The following AK7 variants were observed in gnomAD, a reference collection of about 807,000 sequenced individuals.
AK7 encodes adenylate kinase 7.
AK7 carries 78 observed loss-of-function variants against 96.6 expected under a neutral mutation model. The ratio of observed to expected loss-of-function variants is 0.81; its 90% CI spans 0.67 to 0.97. AK7 has a LOEUF of 0.97. Ranked by LOEUF, AK7 falls within the 50% of genes least tolerant of loss-of-function variation. The pLI is 0.00. For missense variants in AK7, 855 were observed against 887.9 expected (o/e 0.96, Z 0.47); for synonymous variants, 302 against 317.2 (o/e 0.95, Z 0.51).
intron 6 of AK7, among the ~76,000 whole-genome samples, chr14:96,441,642 C>CAAAAAA (rs34473287): frequency 2.2e-5 from 2 of 91,448 alleles, no homozygotes; most frequent in Non-Finnish European, 4.0e-5. Context: ...GACTCCGTCT[C>CAAAAAA]AAAAAAAAAA....
rs971658216 is a variant in AK7 at position 96,416,020 on chromosome 14, C to T, written c.499-4802C>T. 7.9e-5 allele frequency among the ~76,000 whole-genome samples: 12 copies of T among 152,162 alleles called. No homozygotes were observed. In the East Asian group the frequency reaches 2.1e-3, roughly 27 times the overall value. ...GGGCCGACGGGCTCTGATTGTCACA[C>T]GTAATAACCAGGGAGAAACGGAGTC... On this transcript the variant is annotated intron_variant, in intron 4 of 17. Coordinates refer to ENST00000267584, the MANE Select transcript of AK7 (RefSeq NM_152327.5).
chr14:96,488,796 T>C lies in AK7; in HGVS notation c.*453T>C, dbSNP rs555102580. On this transcript the variant is annotated 3_prime_UTR_variant, in exon 18 of 18. Transcript: ENST00000267584. ...TTTATGCCTGTTGACTCACAGTAAA[T>C]CAGACAAGATTGGTGCCTGTAAGGT... The C allele has an allele frequency of 6.7e-6, 1 of 150,274 alleles. No homozygotes were observed. Among genetic ancestry groups the C allele is most frequent in the Admixed American group, 6.7e-5 (1 of 14,972 alleles). 9.3% of individuals were successfully genotyped at this position (150,274 alleles called of 1,614,324 possible).
chr14:96,471,389 C>A, intron 12 of AK7, 89 bp from the exon 13 acceptor site: 19 of 549,668 alleles, frequency 3.5e-5, no homozygotes, highest in South Asian at 1.1e-4. Context: ...CCTTTGACTA[C>A]ACAACAATTT....
intron 6 of AK7, among the ~76,000 whole-genome samples, chr14:96,441,502 G>A (rs1892953985): frequency 6.6e-6 from 1 of 151,858 alleles, no homozygotes; most frequent in Admixed American, 6.6e-5. Context: ...AGCCAGGTGT[G>A]GTGGCACATG....
intron 4 of AK7, among the ~76,000 whole-genome samples, chr14:96,418,964 C>T (rs1000130851): frequency 3.9e-5 from 6 of 152,208 alleles, no homozygotes; most frequent in Admixed American, 2.0e-4. Context: ...TTTTAAAACC[C>T]TGAAACCCTG....
chr14:96,460,396 G>A (rs1056976286), intron 12 of AK7, among the ~76,000 whole-genome samples: 4 of 151,994 alleles, frequency 2.6e-5, no homozygotes, highest in African/African-American at 9.7e-5. Flanking sequence ...CTTGCTGGTG[G>A]CCATTTCTGA....
intron 6 of AK7, among the ~76,000 whole-genome samples, chr14:96,438,367 C>T (rs748171894): frequency 1.3e-4 from 20 of 152,026 alleles, no homozygotes; most frequent in Non-Finnish European, 2.1e-4. Context: ...AGTAAGGTTG[C>T]GGGGATTGGG....
At chr14:96,476,231 C>T (rs571411938) in intron 14 of AK7, among the ~76,000 whole-genome samples, 31 of 152,192 alleles carry the variant, frequency 2.0e-4, no homozygotes, top group African/African-American at 2.4e-4. Flanking sequence ...TTCAGCCCAG[C>T]GCAGTGGCTC....
Position 96,399,501 on chromosome 14 carries a change from C to T in AK7, c.294+1238C>T, listed in dbSNP as rs1361198329. ...CCACCAGCCTCTTTCTCTGCCCCGGCCCCTGCCACCACTGAACTTCAGGAG... is the reference window on the plus strand; with the variant it reads ...CCACCAGCCTCTTTCTCTGCCCCGGTCCCTGCCACCACTGAACTTCAGGAG... On this transcript the variant is annotated intron_variant, in intron 2 of 17. Transcript: ENST00000267584. The surrounding 1 kb of genome is among the most constrained non-coding windows in gnomAD (Gnocchi z 4.1). Among the ~76,000 whole-genome samples, 1 of 152,242 alleles carries T rather than the reference C, an allele frequency of 6.6e-6. No homozygotes were observed. The highest frequency in any genetic ancestry group is 2.4e-5 in the African/African-American group (1 of 41,464).
intron 14 of AK7, among the ~76,000 whole-genome samples, chr14:96,478,201 GA>G (rs1895291633): frequency 1.4e-5 from 2 of 141,148 alleles, no homozygotes; most frequent in Admixed American, 7.1e-5. Flanking sequence ...GGAAGGGAGG[GA>G]GGAAGGAAGG....
intron 5 of AK7, among the ~76,000 whole-genome samples, chr14:96,425,263 C>G (rs530364870): frequency 1.1e-3 from 166 of 152,322 alleles, no homozygotes; most frequent in Admixed American, 3.7e-3. Context: ...AAAGCAAACA[C>G]AGTCTATGCA....
At chr14:96,442,974 C>G (rs1893040502) in intron 7 of AK7, among the ~76,000 whole-genome samples, 156 bp downstream of exon 7, 1 of 152,168 alleles carries the variant, frequency 6.6e-6, no homozygotes, top group Admixed American at 6.5e-5. Flanking sequence ...ACCGTCTTCT[C>G]CATTTTGCAT....
intron 10 of AK7, among the ~76,000 whole-genome samples, chr14:96,454,261 C>T (rs577888974): frequency 6.6e-6 from 1 of 152,266 alleles, no homozygotes; most frequent in South Asian, 2.1e-4. Flanking sequence ...GAGCGCAATT[C>T]TAAAATTTAC....
intron 5 of AK7, among the ~76,000 whole-genome samples, chr14:96,426,023 GGTAA>G (rs2140054795): frequency 6.6e-6 from 1 of 151,822 alleles, no homozygotes; most frequent in East Asian, 1.9e-4. Flanking sequence ...TGTTATTATT[GGTAA>G]GTAAGGACTT....
chr14:96,409,674 TTCTG>T lies in AK7; in HGVS notation c.498+737_498+740del, dbSNP rs532327594. On this transcript the variant is annotated intron_variant, in intron 4 of 17. Coordinates refer to ENST00000267584, the MANE Select transcript of AK7 (RefSeq NM_152327.5). ...GAGTCCATCTCTGAATCACACCACA[TTCTG>T]TCTTTTTCCACACAACTCAGTATAA... 8.5e-5 allele frequency among the ~76,000 whole-genome samples: 13 copies of T among 152,316 alleles called. No homozygotes were observed. The East Asian group carries it at 1.9e-3, about 23-fold the overall frequency.
rs145823725 is a variant in AK7 at position 96,485,754 on chromosome 14, T to C, written c.1975-1144T>C. Among the ~76,000 whole-genome samples the C allele has an allele frequency of 1.0e-3, 157 of 152,228 alleles. 2 individuals are homozygous for C. In the East Asian group the frequency reaches 0.029, roughly 28 times the overall value. On this transcript the variant is annotated intron_variant, in intron 16 of 17. Coordinates refer to ENST00000267584, the MANE Select transcript of AK7 (RefSeq NM_152327.5). ...ATTTTGATCTCTGGGTTGGCAATCTTGCTAAGAAAGACCTCCTTTCAAACA... is the reference window on the plus strand; with the variant it reads ...ATTTTGATCTCTGGGTTGGCAATCTCGCTAAGAAAGACCTCCTTTCAAACA...
rs758966125 is a variant in AK7 at position 96,449,887 on chromosome 14, T to C, written c.948+8T>C. The C allele has an allele frequency of 1.3e-6, 2 of 1,494,562 alleles. No individual in the cohort carries two copies. The highest frequency in any genetic ancestry group is 8.9e-7 in the Non-Finnish European group (1 of 1,128,066). 92.6% of individuals were successfully genotyped at this position (1,494,562 alleles called of 1,614,324 possible). A position where few individuals can be genotyped will look rare whatever the true frequency, so the allele number is the denominator to read the frequency against. ...CTAACCAAGGACTTAACGGTTAGTA[T>C]ATGCGGTGTTTTTTTTTTTTTAACT... On this transcript the variant is annotated splice_region_variant and intron_variant, in intron 9 of 17. Transcript: ENST00000267584.
chr14:96,416,806 G>T (rs1181204547), intron 4 of AK7, among the ~76,000 whole-genome samples: 1 of 152,188 alleles, frequency 6.6e-6, no homozygotes, highest in Non-Finnish European at 1.5e-5. Flanking sequence ...GGTCGCAAAG[G>T]TGCATCATAC....
chr14:96,435,669 G>A (rs190639679), intron 5 of AK7, among the ~76,000 whole-genome samples: 14 of 152,262 alleles, frequency 9.2e-5, no homozygotes, highest in Middle Eastern at 3.4e-3. Context: ...GACACAGAGC[G>A]CTGTAGCCCT....
Sources: gnomAD v4.1 joint callset for allele counts (sites outside exome capture counted in the v4.1 genomes callset) on GRCh38, gnomAD v4.1.1 for gene constraint, Gnocchi (gnomAD v3.1) non-coding constraint, MANE v1.5 for transcripts, NCBI Gene and HGNC (gene_info 2026-07-23, HGNC 2026-07-21) for gene names.